The following AGAP1 variants were observed in gnomAD, a reference collection of about 807,000 sequenced individuals.
AGAP1 encodes arf-GAP with GTPase, ANK repeat and PH domain-containing protein 1.
Under a neutral mutation model 105.3 loss-of-function variants are expected in AGAP1, and 29 were observed. The observed-to-expected ratio is 0.28, with a 90% CI of 0.21 to 0.38. The LOEUF (loss-of-function observed/expected upper bound fraction) is 0.38. Ranked by LOEUF, AGAP1 falls within the 10% of genes least tolerant of loss-of-function variation. The pLI, the probability that AGAP1 is intolerant of heterozygous loss-of-function variation, is 1.00. For missense variants in AGAP1, 998 were observed against 1,165.1 expected, an observed-to-expected ratio of 0.86 and a Z score of 2.09; for synonymous variants, 509 against 485.9, an observed-to-expected ratio of 1.05 and a Z score of -0.63.
intron 1 of AGAP1, among the ~76,000 whole-genome samples, chr2:235,681,567 C>G (rs1402721869): frequency 6.6e-6 from 1 of 152,180 alleles, no homozygotes; most frequent in Non-Finnish European, 1.5e-5. Context: ...AGTTTAAAGG[C>G]TTTGTTCACT....
rs1028166345 is a variant in AGAP1 at position 235,752,334 on chromosome 2, C to T, written c.673+1846C>T. On this transcript the variant is annotated intron_variant, in intron 6 of 17. Coordinates refer to ENST00000304032, the MANE Select transcript of AGAP1 (RefSeq NM_001037131.3). The surrounding 1 kb of genome is among the most constrained non-coding windows in gnomAD (Gnocchi z 4.3). The stretch of plus-strand genomic sequence containing the variant: ...CTGGAATTACAGGTACACGCTGCCA[C>T]ACCTGGCTAATTTTTTGCATTTTAG... 6.6e-6 allele frequency among the ~76,000 whole-genome samples: 1 copy of T among 152,018 alleles called. No individual in the cohort carries two copies. Among genetic ancestry groups the T allele is most frequent in the Non-Finnish European group, 1.5e-5 (1 of 68,042 alleles).
At chr2:235,902,504 T>C (rs1027329568) in intron 10 of AGAP1, among the ~76,000 whole-genome samples, 1 of 152,244 alleles carries the variant, frequency 6.6e-6, no homozygotes, top group Non-Finnish European at 1.5e-5. Context: ...AAATGAAGTA[T>C]GCAGATTTCT....
Position 235,723,864 on chromosome 2 carries a change from G to T in AGAP1, c.310+6220G>T, listed in dbSNP as rs886767992. ...CTCCAAGCTGCAAAATGAAAGTACC[G>T]AGAGGAAGGTGGGCCATCTGAGAGC... On this transcript the variant is annotated intron_variant, in intron 3 of 17. Coordinates refer to ENST00000304032, the MANE Select transcript of AGAP1 (RefSeq NM_001037131.3). This position sits in a 1 kb window ranked among gnomAD's most constrained non-coding sequence, Gnocchi z 6.2. 1.3e-5 allele frequency among the ~76,000 whole-genome samples: 2 copies of T among 152,146 alleles called. No individual in the cohort carries two copies. Among genetic ancestry groups the T allele is most frequent in the Non-Finnish European group, 2.9e-5 (2 of 68,022 alleles).
chr2:235,873,970 C>A (rs1416559541), intron 9 of AGAP1, among the ~76,000 whole-genome samples: 1 of 152,170 alleles, frequency 6.6e-6, no homozygotes, highest in Non-Finnish European at 1.5e-5. Flanking sequence ...CTCACACAGT[C>A]CCCTCGCCTC....
In AGAP1 at chr2:235,977,748, A is replaced by T. The variant is rs1272978869; in HGVS notation, c.1645+9125A>T. On this transcript the variant is annotated intron_variant, in intron 13 of 17. Coordinates refer to ENST00000304032, the MANE Select transcript of AGAP1 (RefSeq NM_001037131.3). The surrounding 1 kb of genome is among the most constrained non-coding windows in gnomAD (Gnocchi z 5.2). ...ACTTCATTCCTCTTTCTAAAGATGT[A>T]AAACAAAAGGGGATATTGACTAATG... 6.6e-6 allele frequency among the ~76,000 whole-genome samples: 1 copy of T among 152,210 alleles called. No individual in the cohort carries two copies. Among genetic ancestry groups the T allele is most frequent in the African/African-American group, 2.4e-5 (1 of 41,470 alleles).
intron 1 of AGAP1, among the ~76,000 whole-genome samples, chr2:235,698,053 C>T (rs1047185086): frequency 1.3e-5 from 2 of 151,954 alleles, no homozygotes; most frequent in Non-Finnish European, 1.5e-5. Context: ...ACCCAGGGGT[C>T]GAGGGAGGGG....
chr2:235,861,908 A>G (rs575613041), intron 9 of AGAP1, among the ~76,000 whole-genome samples: 2 of 152,200 alleles, frequency 1.3e-5, no homozygotes, highest in Admixed American at 1.3e-4. Context: ...TAGATGTAAC[A>G]TGAGTTAAAA....
At position 235,793,576 on chromosome 2, in the gene AGAP1, T is replaced by A. The variant is rs1396299859; in HGVS notation, c.674-4183T>A. Among the ~76,000 whole-genome samples the A allele has an allele frequency of 1.3e-5, 2 of 152,132 alleles. No homozygotes were observed. Among genetic ancestry groups the A allele is most frequent in the African/African-American group, 4.8e-5 (2 of 41,502 alleles). On this transcript the variant is annotated intron_variant, in intron 6 of 17. Transcript: ENST00000304032. The surrounding 1 kb of genome is among the most constrained non-coding windows in gnomAD (Gnocchi z 5.3). ...TGCCTGGTTTTTCTCACCTGCAAAA[T>A]GAAAGAGCTGACAGGATGAAATGAG...
At chr2:235,505,073 C>T (rs1435554776) in intron 1 of AGAP1, among the ~76,000 whole-genome samples, 1 of 152,156 alleles carries the variant, frequency 6.6e-6, no homozygotes, top group African/African-American at 2.4e-5. Context: ...CAGCCTCAAT[C>T]CATCCCTGTG....
At position 235,578,006 on chromosome 2, in the gene AGAP1, G is replaced by T. The variant is rs933028772; in HGVS notation, c.163+83157G>T. 8.5e-5 allele frequency among the ~76,000 whole-genome samples: 13 copies of T among 152,120 alleles called. No homozygotes were observed. The highest frequency in any genetic ancestry group is 3.1e-4 in the African/African-American group (13 of 41,430). On this transcript the variant is annotated intron_variant, in intron 1 of 17. Coordinates refer to ENST00000304032, the MANE Select transcript of AGAP1 (RefSeq NM_001037131.3). This position sits in a 1 kb window ranked among gnomAD's most constrained non-coding sequence, Gnocchi z 4.9. ...CGACACCATCCAGGTGCCTGCGTGT[G>T]CTGGTCCCGCCATCAGGACTTCCCC...
chr2:235,518,138 C>T (rs995379691), intron 1 of AGAP1, among the ~76,000 whole-genome samples: 1 of 152,102 alleles, frequency 6.6e-6, no homozygotes, highest in African/African-American at 2.4e-5. Context: ...AGGGCTGTGC[C>T]CATCTCTCCT....
chr2:235,637,364 C>T (rs1947038589), intron 1 of AGAP1, among the ~76,000 whole-genome samples: 1 of 152,112 alleles, frequency 6.6e-6, no homozygotes, highest in Non-Finnish European at 1.5e-5. Flanking sequence ...CCTCGACCTC[C>T]TGGGTTCAAG....
chr2:235,950,794 C>T (rs570634656), intron 12 of AGAP1, among the ~76,000 whole-genome samples: 6 of 151,614 alleles, frequency 4.0e-5, no homozygotes, highest in Non-Finnish European at 5.9e-5. Flanking sequence ...AAAGATCAAC[C>T]ACAGTATGTG....
intron 2 of AGAP1, among the ~76,000 whole-genome samples, chr2:235,710,679 C>T (rs1185817566): frequency 6.6e-6 from 1 of 152,222 alleles, no homozygotes; most frequent in Non-Finnish European, 1.5e-5. Flanking sequence ...GGCAGGGTGT[C>T]TTAAGCCTAT....
chr2:235,925,183 G>A (rs377706898), intron 11 of AGAP1, among the ~76,000 whole-genome samples: 1 of 152,146 alleles, frequency 6.6e-6, no homozygotes, highest in Admixed American at 6.5e-5. Context: ...CGTGACTTGA[G>A]GTTGGTGAAT....
At chr2:235,512,736 C>A (rs776265856) in intron 1 of AGAP1, among the ~76,000 whole-genome samples, 4 of 152,228 alleles carry the variant, frequency 2.6e-5, no homozygotes, top group Non-Finnish European at 4.4e-5. Flanking sequence ...CTCCCTGGGC[C>A]TCCCACCCTG....
At position 235,883,464 on chromosome 2, in the gene AGAP1, C is replaced by T; in HGVS notation, c.1155+15C>T. The T allele has an allele frequency of 6.2e-7, 1 of 1,603,544 alleles. No individual in the cohort carries two copies. The highest frequency in any genetic ancestry group is 8.5e-7 in the Non-Finnish European group (1 of 1,171,490). On this transcript the variant is annotated intron_variant, in intron 10 of 17. Coordinates refer to ENST00000304032, the MANE Select transcript of AGAP1 (RefSeq NM_001037131.3). The surrounding 1 kb of genome is among the most constrained non-coding windows in gnomAD (Gnocchi z 4.5). The stretch of plus-strand genomic sequence containing the variant: ...CCAGTTTACATGTGAGTATAGCCCC[C>T]TCGGAGCAATTAACAGCTGCAGACC...
intron 13 of AGAP1, among the ~76,000 whole-genome samples, chr2:235,995,065 C>CAAAAA (rs58097220): frequency 2.3e-4 from 14 of 60,964 alleles, no homozygotes; most frequent in East Asian, 6.5e-4. Context: ...GACTCTGTCT[C>CAAAAA]AAAAAAAAAA....
rs1458211918 is a variant in AGAP1, at chr2:235,700,564, C to G, written c.164-8615C>G. Among the ~76,000 whole-genome samples the G allele has an allele frequency of 6.6e-6, 1 of 152,086 alleles. No individual in the cohort carries two copies. Among genetic ancestry groups the G allele is most frequent in the Non-Finnish European group, 1.5e-5 (1 of 68,016 alleles). ...CTTGTAATCCCAGCACTTTGGGAGG[C>G]CGAGGCAGGTGGATCATTTGAAGTC... On this transcript the variant is annotated intron_variant, in intron 1 of 17. Transcript: ENST00000304032. The surrounding 1 kb of genome is among the most constrained non-coding windows in gnomAD (Gnocchi z 6.1).
Sources: allele counts gnomAD v4.1 joint callset (sites outside exome capture counted in the v4.1 genomes callset), GRCh38; gene constraint gnomAD v4.1.1; non-coding constraint Gnocchi (gnomAD v3.1); transcripts MANE v1.5; gene names NCBI Gene and HGNC (gene_info 2026-07-23, HGNC 2026-07-21).